Variants in MCU observed in about 807,000 individuals in gnomAD.
The protein encoded by MCU is calcium uniporter protein, mitochondrial.
MCU carries 12 observed loss-of-function variants against 45.2 expected under a neutral mutation model. The observed-to-expected ratio is 0.27, with a 90% CI of 0.17 to 0.43. The LOEUF is 0.43. Ranked by LOEUF, MCU falls within the 20% of genes least tolerant of loss-of-function variation. The probability of loss-of-function intolerance (pLI) is 1.00; values close to 1 mark genes in which losing one functional copy is unlikely to be tolerated. For missense variants in MCU, 324 were observed against 436.7 expected (o/e 0.74, Z 2.30); for synonymous variants, 160 against 165.1 (o/e 0.97, Z 0.24).
At chr10:72,849,435 G>T (rs1055690390) in intron 2 of MCU, among the ~76,000 whole-genome samples, 1 of 152,154 alleles carries the variant, frequency 6.6e-6, no homozygotes, top group South Asian at 2.1e-4. Context: ...ATTATGGGTG[G>T]TTAGGGAAGA....
intron 1 of MCU, among the ~76,000 whole-genome samples, chr10:72,805,141 TTCTTTCTTTCTTTC>T (rs1224601740): frequency 2.2e-5 from 3 of 139,154 alleles, no homozygotes; most frequent in East Asian, 2.2e-4. Context: ...CTTTCTTTCT[TTCTTTCTTTCTTTC>T]TTTCTGTCTC....
rs1589486300 is a variant in MCU at position 72,834,361 on chromosome 10, A to G, written c.153A>G (p.Val51=). ...RHRQQQHHRT[V]HQRIASWQNL... is the part of the protein sequence containing the mutation. ...GATGTATCTTTTGTGTTTTCTAGGT[A>G]CACCAGAGGATCGCTTCCTGGCAGA... Residue 51 remains valine (V), a splice_region_variant and synonymous_variant, in exon 2 of 8, where the codon GTA becomes GTG. Transcript: ENST00000373053. 1.2e-6 allele frequency: 2 copies of G among 1,613,352 alleles called. No individual in the cohort carries two copies. The highest frequency in any genetic ancestry group is 1.7e-5 in the Admixed American group (1 of 60,030).
At chr10:72,730,307 CTT>C (rs1221272053) in intron 1 of MCU, among the ~76,000 whole-genome samples, 13 of 124,224 alleles carry the variant, frequency 1.0e-4, no homozygotes, top group African/African-American at 1.5e-4. Flanking sequence ...CTTTCTTTTT[CTT>C]TTTTTTTTTT....
rs768448858 is a variant in MCU, at chr10:72,860,466, C to CTT, written c.435_436insTT (p.Leu146PhefsTer12). The CTT allele has an allele frequency of 1.2e-6, 2 of 1,614,064 alleles. No individual in the cohort carries two copies. Among genetic ancestry groups the CTT allele is most frequent in the Non-Finnish European group, 8.5e-7 (1 of 1,179,994 alleles). ...CTTCAACAGGAATAGACCTCCTCCT[C>CTT]CTTGATGACTTTAAGCTGGTCATTA... On this transcript the variant is annotated frameshift_variant, in exon 4 of 8. Transcript: ENST00000373053.
At chr10:72,779,958 A>G (rs1442892486) in intron 1 of MCU, among the ~76,000 whole-genome samples, 2 of 152,216 alleles carry the variant, frequency 1.3e-5, no homozygotes, top group Non-Finnish European at 2.9e-5. Flanking sequence ...ATAAAAGCAC[A>G]TATCTACACA....
At chr10:72,823,655 A>G (rs1179052722) in intron 1 of MCU, among the ~76,000 whole-genome samples, 5 of 152,186 alleles carry the variant, frequency 3.3e-5, no homozygotes, top group Admixed American at 2.0e-4. Context: ...TTTGTTAAGG[A>G]TATTTTTAAA....
At chr10:72,854,268 G>A (rs1208741691) in intron 2 of MCU, among the ~76,000 whole-genome samples, 2 of 152,112 alleles carry the variant, frequency 1.3e-5, no homozygotes, top group Non-Finnish European at 2.9e-5. Flanking sequence ...CTCCAGCCTG[G>A]GCAACGGAAT....
chr10:72,814,232 G>A (rs1844591065), intron 1 of MCU, among the ~76,000 whole-genome samples: 2 of 152,168 alleles, frequency 1.3e-5, no homozygotes, highest in South Asian at 2.1e-4. Flanking sequence ...TGCCATGGAA[G>A]TCTTTTATAG....
intron 2 of MCU, among the ~76,000 whole-genome samples, chr10:72,858,214 A>G (rs1466341412): frequency 6.6e-6 from 1 of 152,218 alleles, no homozygotes; most frequent in Non-Finnish European, 1.5e-5. Flanking sequence ...AGGAGAGGCC[A>G]TGCATATTTA....
intron 1 of MCU, among the ~76,000 whole-genome samples, chr10:72,799,312 G>A (rs1458921471): frequency 2.6e-5 from 4 of 152,262 alleles, no homozygotes; most frequent in African/African-American, 9.6e-5. Flanking sequence ...ATAATTAATA[G>A]TATTACAGTG....
At position 72,884,366 on chromosome 10, in the gene MCU, A is replaced by G. The variant is rs1238926212; in HGVS notation, c.962A>G (p.Lys321Arg). The G allele has an allele frequency of 6.2e-7, 1 of 1,601,518 alleles. No homozygotes were observed. The highest frequency in any genetic ancestry group is 2.2e-5 in the East Asian group (1 of 44,768). Residue 321 changes from lysine to arginine, a missense_variant, in exon 7 of 8, where the codon AAG becomes AGG. Lys to Arg is a conservative substitution (Grantham distance 26). Around this residue, in one of 4 missense-constraint regions of MCU, gnomAD observed 76 missense variants for 99.4 expected, o/e 0.76. Transcript: ENST00000373053. ...RFDLEKYNQL[K>R]DAIAQAEMDL... ...GACCTAGAGAAATACAATCAACTCAAGGATGCAATTGCTCAGGTAAGTTTT... is the reference window on the plus strand; with the variant it reads ...GACCTAGAGAAATACAATCAACTCAGGGATGCAATTGCTCAGGTAAGTTTT...
intron 5 of MCU, among the ~76,000 whole-genome samples, chr10:72,869,479 C>T (rs1845507150): frequency 6.6e-6 from 1 of 152,092 alleles, no homozygotes; most frequent in South Asian, 2.1e-4. Context: ...TCCCAGCTAC[C>T]TGGGAGGCTG....
At chr10:72,874,600 T>C (rs766035892) in intron 6 of MCU, among the ~76,000 whole-genome samples, 1 of 152,210 alleles carries the variant, frequency 6.6e-6, no homozygotes, top group Non-Finnish European at 1.5e-5. Flanking sequence ...ATGTGTCTAA[T>C]AGAGAAGAAA....
chr10:72,721,281 A>G (rs1298991967), intron 1 of MCU, among the ~76,000 whole-genome samples: 1 of 152,174 alleles, frequency 6.6e-6, no homozygotes, highest in African/African-American at 2.4e-5. Flanking sequence ...AGGGGCCTAC[A>G]GGTAGTGACA....
At chr10:72,787,948 C>T (rs1004626376) in intron 1 of MCU, among the ~76,000 whole-genome samples, 1 of 152,078 alleles carries the variant, frequency 6.6e-6, no homozygotes, top group Non-Finnish European at 1.5e-5. Context: ...AACTCCTGAC[C>T]TCAGGTGATC....
intron 4 of MCU, among the ~76,000 whole-genome samples, chr10:72,868,394 C>G (rs913353234): frequency 2.6e-5 from 4 of 151,896 alleles, no homozygotes; most frequent in Admixed American, 1.3e-4. Context: ...ACAAAAAATA[C>G]AAAAATTAGC....
At chr10:72,719,089 CAA>C (rs1193190348) in intron 1 of MCU, among the ~76,000 whole-genome samples, 2 of 152,206 alleles carry the variant, frequency 1.3e-5, no homozygotes, top group Non-Finnish European at 1.5e-5. Flanking sequence ...AAAAAATTAT[CAA>C]GTTTATACTT....
intron 1 of MCU, among the ~76,000 whole-genome samples, chr10:72,824,792 A>C (rs1012393809): frequency 1.3e-5 from 2 of 152,124 alleles, no homozygotes; most frequent in East Asian, 1.9e-4. Flanking sequence ...AGAAAGGTCT[A>C]TAGTTATTTA....
intron 1 of MCU, among the ~76,000 whole-genome samples, chr10:72,755,930 A>G (rs1843569943): frequency 6.6e-6 from 1 of 151,754 alleles, no homozygotes; most frequent in African/African-American, 2.4e-5. Flanking sequence ...TGCAGCCTCA[A>G]TCTCCCAGGG....
Sources: gnomAD v4.1 joint callset for allele counts (sites outside exome capture counted in the v4.1 genomes callset) on GRCh38, gnomAD v4.1.1 for gene constraint, gnomAD v4.1.1 regional missense constraint, MANE v1.5 for transcripts, NCBI Gene and HGNC (gene_info 2026-07-23, HGNC 2026-07-21) for gene names.